Variants in PRKD3 observed in about 807,000 individuals in gnomAD.
PRKD3 encodes the protein serine/threonine-protein kinase D3.
PRKD3 carries 47 observed loss-of-function variants against 99.2 expected under a neutral mutation model. The observed-to-expected ratio is 0.47, with a 90% CI of 0.38 to 0.60. PRKD3 has a LOEUF of 0.60. Ranked by LOEUF, PRKD3 falls within the 20% of genes least tolerant of loss-of-function variation. PRKD3 has a pLI of 0.00. For missense variants in PRKD3, 1,019 were observed against 1,088.4 expected (o/e 0.94, Z 0.90); for synonymous variants, 392 against 355.4 (o/e 1.10, Z -1.16).
At position 37,274,643 on chromosome 2, in the gene PRKD3, T is replaced by C. The variant is rs1669470006; in HGVS notation, c.1429A>G (p.Ile477Val). 1 of 1,614,082 alleles carries C rather than the reference T, an allele frequency of 6.2e-7. No individual in the cohort carries two copies. The highest frequency in any genetic ancestry group is 8.5e-7 in the Non-Finnish European group (1 of 1,179,944). The change falls in exon 11 of 19, where the codon ATT (isoleucine) becomes GTT (valine). Residue 477 changes from isoleucine (I) to valine (V), a missense_variant. Physicochemically the swap from Ile to Val is conservative, Grantham distance 29. This residue lies in a region of PRKD3 where 710 missense variants were observed against 692.7 expected (regional missense o/e 1.02). Coordinates refer to ENST00000234179, the MANE Select transcript of PRKD3 (RefSeq NM_005813.6). ...CAGTGTGGATTGCTGCCTTGTGAAA[T>C]GTTTGTGAAATCTCGTGGTGAAGAT... ...RISSPRDFTN[I>V]SQGSNPHCFE...
chr2:37,278,127 G>A, intron 8 of PRKD3, 138 bp from the exon 9 acceptor site: 1 of 545,900 alleles, frequency 1.8e-6, no homozygotes, highest in Non-Finnish European at 3.0e-6. Context: ...AATGGCTGAA[G>A]AAAAATTAAT....
intron 4 of PRKD3, among the ~76,000 whole-genome samples, chr2:37,290,573 T>C (rs1259995917): frequency 6.6e-6 from 1 of 152,234 alleles, no homozygotes; most frequent in Non-Finnish European, 1.5e-5. Context: ...TGAATATTTA[T>C]GGAGCCATTA....
intron 11 of PRKD3, 101 bp downstream of exon 11, chr2:37,274,320 G>A: frequency 2.2e-6 from 3 of 1,357,252 alleles, no homozygotes; most frequent in Non-Finnish European, 3.0e-6. Flanking sequence ...TAAAGACTAA[G>A]CTTAGGATGA....
At chr2:37,294,077 T>C (rs1437661755) in intron 2 of PRKD3, among the ~76,000 whole-genome samples, 2 of 152,230 alleles carry the variant, frequency 1.3e-5, no homozygotes, top group East Asian at 3.8e-4. Flanking sequence ...AGAAAAGTCC[T>C]GTATATATTT....
chr2:37,296,303 G>A (rs1572682177), intron 2 of PRKD3, among the ~76,000 whole-genome samples: 2 of 151,968 alleles, frequency 1.3e-5, no homozygotes, highest in Non-Finnish European at 2.9e-5. Context: ...TAAACACATG[G>A]CCTAATGAAA....
At chr2:37,305,587 T>G (rs1671126238) in intron 2 of PRKD3, among the ~76,000 whole-genome samples, 1 of 152,236 alleles carries the variant, frequency 6.6e-6, no homozygotes, top group Admixed American at 6.5e-5. Flanking sequence ...GCAAAGCACT[T>G]GCTACAGACT....
chr2:37,301,705 C>T (rs1164429847), intron 2 of PRKD3, among the ~76,000 whole-genome samples: 1 of 152,082 alleles, frequency 6.6e-6, no homozygotes, highest in East Asian at 1.9e-4. Flanking sequence ...CAATTCTTGC[C>T]CAGTAAAATG....
chr2:37,315,514 G>C (rs1017159), intron 2 of PRKD3, among the ~76,000 whole-genome samples: 6,798 of 152,066 alleles, frequency 0.045, 168 homozygotes, highest in African/African-American at 0.052. Flanking sequence ...AAAAAAGAGG[G>C]GCCAGAACAC....
intron 2 of PRKD3, among the ~76,000 whole-genome samples, chr2:37,314,933 C>T (rs1671593560): frequency 6.6e-6 from 1 of 152,232 alleles, no homozygotes; most frequent in East Asian, 1.9e-4. Flanking sequence ...ACTTAGGCCA[C>T]ATGTACAAGT....
At chr2:37,315,897 G>A (rs1274365347) in intron 2 of PRKD3, among the ~76,000 whole-genome samples, 1 of 152,070 alleles carries the variant, frequency 6.6e-6, no homozygotes, top group Non-Finnish European at 1.5e-5. Flanking sequence ...GCTAATTTTT[G>A]TATTTTTAGT....
intron 1 of PRKD3, among the ~76,000 whole-genome samples, chr2:37,318,128 C>G (rs1196947009): frequency 6.6e-6 from 1 of 151,928 alleles, no homozygotes; most frequent in Non-Finnish European, 1.5e-5. Context: ...CAGAGTAACT[C>G]TCTGCAGAGT....
chr2:37,304,762 GA>G (rs545472683), intron 2 of PRKD3, among the ~76,000 whole-genome samples: 65 of 133,370 alleles, frequency 4.9e-4, no homozygotes, highest in Admixed American at 6.0e-4. Context: ...AAAAAGAAAA[GA>G]AAAAAAAAAA....
At chr2:37,275,893 A>C (rs1336876812) in intron 9 of PRKD3, 49 bp from the exon 10 acceptor site, 3 of 1,579,310 alleles carry the variant, frequency 1.9e-6, no homozygotes, top group Non-Finnish European at 2.6e-6. Flanking sequence ...TGATTCCTCC[A>C]AAGTGCTTGT....
chr2:37,267,149 G>A (rs1327652656), intron 14 of PRKD3, among the ~76,000 whole-genome samples: 1 of 152,112 alleles, frequency 6.6e-6, no homozygotes, highest in African/African-American at 2.4e-5. Context: ...AAAACTGGAT[G>A]GGTAAAACAG....
intron 14 of PRKD3, among the ~76,000 whole-genome samples, chr2:37,262,990 C>A (rs1668584542): frequency 6.6e-6 from 1 of 151,264 alleles, no homozygotes; most frequent in Non-Finnish European, 1.5e-5. Context: ...CTCCTCCCTT[C>A]CCCCACACAG....
chr2:37,298,289 C>T (rs1389442315), intron 2 of PRKD3, among the ~76,000 whole-genome samples: 6 of 152,094 alleles, frequency 3.9e-5, no homozygotes, highest in Non-Finnish European at 7.4e-5. Context: ...ATTTTACATA[C>T]CAAATACACA....
intron 9 of PRKD3, among the ~76,000 whole-genome samples, chr2:37,277,338 G>A (rs1239429133): frequency 1.3e-5 from 2 of 152,084 alleles, no homozygotes; most frequent in Non-Finnish European, 2.9e-5. Context: ...TTTATAGTAA[G>A]TTACAGAGAC....
intron 1 of PRKD3, among the ~76,000 whole-genome samples, chr2:37,322,207 T>C (rs1042447033): frequency 6.6e-6 from 1 of 152,226 alleles, no homozygotes; most frequent in African/African-American, 2.4e-5. Flanking sequence ...TGACATAGGT[T>C]TGACTTTGCT....
In PRKD3 at chr2:37,253,288, T is replaced by C. The variant is rs150747521; in HGVS notation, c.2562A>G (p.Thr854=). 229 of 1,613,246 alleles carry C rather than the reference T, an allele frequency of 1.4e-4. No individual in the cohort carries two copies. Among genetic ancestry groups the C allele is most frequent in the Non-Finnish European group, 1.8e-4 (217 of 1,179,316 alleles). The part of the protein sequence containing the change: ...FETRIGERYI[T]HESDDARWEI... ...CCCAGCGAGCATCATCACTTTCATGTGTAATGTAACGTTCTCCAATGCGAG... is the reference window on the plus strand; with the variant it reads ...CCCAGCGAGCATCATCACTTTCATGCGTAATGTAACGTTCTCCAATGCGAG... Residue 854 remains threonine (T), a synonymous_variant, in exon 19 of 19, where the codon ACA becomes ACG. Transcript: ENST00000234179.
Sources: gnomAD v4.1 joint callset for allele counts (sites outside exome capture counted in the v4.1 genomes callset) on GRCh38, gnomAD v4.1.1 for gene constraint, gnomAD v4.1.1 regional missense constraint, MANE v1.5 for transcripts, NCBI Gene and HGNC (gene_info 2026-07-23, HGNC 2026-07-21) for gene names.